The following SATB2 variants were observed in gnomAD, a reference collection of about 807,000 sequenced individuals.
SATB2 encodes DNA-binding protein SATB2.
SATB2 carries 1 observed loss-of-function variant against 73.4 expected under a neutral mutation model. The ratio of observed to expected loss-of-function variants is 0.01; its 90% confidence interval spans 0.00 to 0.06. The LOEUF (loss-of-function observed/expected upper bound fraction) is 0.06, where lower values mean the gene tolerates loss of function less well. Ranked by LOEUF, SATB2 falls within the 10% of genes least tolerant of loss-of-function variation. The pLI is 1.00. For missense variants in SATB2, 459 were observed against 945.8 expected (o/e 0.49, Z 6.75); for synonymous variants, 397 against 367.0 (o/e 1.08, Z -0.93).
rs760441224 is a variant in SATB2 at position 199,317,043 on chromosome 2, TG to T, written c.1542+6759del. Reference sequence around the variant, plus strand: ...TTCCTCAAGAAGTTATCATAATGGGTGGGTGGCAGGGGTGGGGCGGTATGGG... The same window carrying T: ...TTCCTCAAGAAGTTATCATAATGGGTGGTGGCAGGGGTGGGGCGGTATGGG... On this transcript the variant is annotated intron_variant, in intron 9 of 10. Transcript: ENST00000417098. 4.6e-4 allele frequency among the ~76,000 whole-genome samples: 63 copies of T among 138,032 alleles called. 3 individuals are homozygous for T. The highest frequency in any genetic ancestry group is 1.3e-3 in the Admixed American group (18 of 13,752). The allele number at this position is 138,032 out of a possible 152,430, so 90.6% of individuals were successfully genotyped here. A position where few individuals can be genotyped will look rare whatever the true frequency, so the allele number is the denominator to read the frequency against.
At chr2:199,275,373 A>T (rs565957696) in intron 10 of SATB2, among the ~76,000 whole-genome samples, 1 of 152,334 alleles carries the variant, frequency 6.6e-6, no homozygotes, top group South Asian at 2.1e-4. Flanking sequence ...CAGAGAAAGA[A>T]CAGTAAGAAT....
intron 3 of SATB2, among the ~76,000 whole-genome samples, chr2:199,395,551 G>A (rs1409427889): frequency 1.3e-5 from 2 of 152,022 alleles, no homozygotes; most frequent in Non-Finnish European, 2.9e-5. Context: ...CTAGCCTGGT[G>A]TCTGACACTT....
At chr2:199,344,433 A>G (rs1049120039) in intron 7 of SATB2, among the ~76,000 whole-genome samples, 8 of 152,206 alleles carry the variant, frequency 5.3e-5, no homozygotes, top group Non-Finnish European at 1.0e-4. Context: ...TTGAATCACG[A>G]GAGAAAGTGG....
intron 3 of SATB2, among the ~76,000 whole-genome samples, chr2:199,393,462 C>T (rs1476437445): frequency 1.3e-5 from 2 of 152,124 alleles, no homozygotes; most frequent in South Asian, 4.1e-4. Flanking sequence ...AAGAGATGTT[C>T]TAGACACCTG....
chr2:199,407,730 G>A (rs1249408931), intron 3 of SATB2, among the ~76,000 whole-genome samples: 1 of 152,116 alleles, frequency 6.6e-6, no homozygotes, highest in African/African-American at 2.4e-5. Flanking sequence ...AGAAAGCCCT[G>A]GGAGCTAATA....
At position 199,271,599 on chromosome 2, in the gene SATB2, G is replaced by A. The variant is rs894282114; in HGVS notation, c.*612C>T. The A allele has an allele frequency of 1.3e-5, 2 of 150,996 alleles. No individual in the cohort carries two copies. The highest frequency in any genetic ancestry group is 2.4e-5 in the African/African-American group (1 of 40,836). 9.4% of individuals were successfully genotyped at this position (150,996 alleles called of 1,614,324 possible). On this transcript the variant is annotated 3_prime_UTR_variant, in exon 11 of 11. Transcript: ENST00000417098. ...CAGGGACAAACACAAAAAATAAATA[G>A]GAATTCAAAAATAGTCACCCCACCC... is the stretch of plus-strand genomic sequence containing the variant.
At chr2:199,323,277 T>C (rs999644851) in intron 9 of SATB2, among the ~76,000 whole-genome samples, 2 of 152,118 alleles carry the variant, frequency 1.3e-5, no homozygotes, top group African/African-American at 2.4e-5. Context: ...TCCCCCCACG[T>C]GTGTTTTCTC....
chr2:199,470,563 A>AT (rs1011448321), intron 1 of SATB2: 1 of 152,148 alleles, frequency 6.6e-6, no homozygotes, highest in African/African-American at 2.4e-5. Context: ...ATTTTCTATC[A>AT]TTTTTTATGC....
chr2:199,450,327 T>G (rs1247093466), intron 2 of SATB2, among the ~76,000 whole-genome samples: 1 of 152,154 alleles, frequency 6.6e-6, no homozygotes, highest in Non-Finnish European at 1.5e-5. Context: ...CATACAACTT[T>G]TGTCAAATGC....
intron 6 of SATB2, among the ~76,000 whole-genome samples, chr2:199,357,917 TG>T (rs1197347791): frequency 6.6e-6 from 1 of 152,076 alleles, no homozygotes; most frequent in Non-Finnish European, 1.5e-5. Context: ...GAAATGAAAC[TG>T]GGTATGCACA....
chr2:199,455,778 A>G lies in SATB2; in HGVS notation c.169+91T>C. On this transcript the variant is annotated intron_variant, in intron 2 of 10. Transcript: ENST00000417098. The surrounding 1 kb of genome is among the most constrained non-coding windows in gnomAD (Gnocchi z 4.1). ...TGGAATTCACTTCCTGTAATCCTAC[A>G]CCGCGACAGCGCCTAATCAACCTGA... 1.4e-6 allele frequency: 2 copies of G among 1,421,120 alleles called. No individual in the cohort carries two copies. The highest frequency in any genetic ancestry group is 1.9e-6 in the Non-Finnish European group (2 of 1,044,664). The allele number at this position is 1,421,120 out of a possible 1,614,324, so 88.0% of individuals were successfully genotyped here.
intron 2 of SATB2, among the ~76,000 whole-genome samples, chr2:199,434,566 C>T (rs1691599259): frequency 6.6e-6 from 1 of 152,110 alleles, no homozygotes; most frequent in African/African-American, 2.4e-5. Flanking sequence ...GTAATTCACA[C>T]AAATTAGTAT....
At position 199,408,679 on chromosome 2, in the gene SATB2, CAA is replaced by C. The variant is rs11306098; in HGVS notation, c.346+24657_346+24658del. On this transcript the variant is annotated intron_variant, in intron 3 of 10. Coordinates refer to ENST00000417098, the MANE Select transcript of SATB2 (RefSeq NM_001172509.2). ...AAGACTCCTGTGGTTGTTTAGTCCA[CAA>C]AAAAAAAAAAAAATAGAGTCTTAGG... 1.6e-3 allele frequency among the ~76,000 whole-genome samples: 215 copies of C among 135,116 alleles called. 1 individual carries two copies. The highest frequency in any genetic ancestry group is 4.7e-3 in the South Asian group (20 of 4,282). 88.6% of individuals were successfully genotyped at this position (135,116 alleles called of 152,430 possible).
At chr2:199,350,824 A>G (rs1480107464) in intron 6 of SATB2, among the ~76,000 whole-genome samples, 1 of 151,974 alleles carries the variant, frequency 6.6e-6, no homozygotes, top group Non-Finnish European at 1.5e-5. Context: ...GGAGTTTGAT[A>G]CCAGCCTGGC....
intron 7 of SATB2, chr2:199,348,065 C>T (rs189328427): frequency 2.9e-4 from 44 of 152,302 alleles, no homozygotes; most frequent in African/African-American, 1.0e-3. Flanking sequence ...ATATAAGCAC[C>T]CTCAATAAAA....
intron 10 of SATB2, among the ~76,000 whole-genome samples, chr2:199,281,120 G>A (rs13399622): frequency 0.11 from 17,459 of 151,906 alleles, 1,103 homozygotes; most frequent in South Asian, 0.19. Context: ...AGGTTCCCCC[G>A]ATACTTGGGA....
At chr2:199,332,019 C>T (rs1055921777) in intron 7 of SATB2, among the ~76,000 whole-genome samples, 1 of 151,808 alleles carries the variant, frequency 6.6e-6, no homozygotes, top group East Asian at 1.9e-4. Flanking sequence ...AAATGTGGCG[C>T]GGCACCTGGG....
chr2:199,357,574 A>G (rs1163791557), intron 6 of SATB2, among the ~76,000 whole-genome samples: 1 of 152,136 alleles, frequency 6.6e-6, no homozygotes, highest in East Asian at 1.9e-4. Flanking sequence ...ACATCTGCCT[A>G]TGATTTAAAG....
At chr2:199,291,626 G>A (rs982752361) in intron 10 of SATB2, among the ~76,000 whole-genome samples, 3 of 152,030 alleles carry the variant, frequency 2.0e-5, no homozygotes, top group Non-Finnish European at 4.4e-5. Flanking sequence ...TAAAACACTT[G>A]AGTAGGCCAG....
Sources: gnomAD v4.1 joint callset for allele counts (sites outside exome capture counted in the v4.1 genomes callset) on GRCh38, gnomAD v4.1.1 for gene constraint, Gnocchi (gnomAD v3.1) non-coding constraint, MANE v1.5 for transcripts, NCBI Gene and HGNC (gene_info 2026-07-23, HGNC 2026-07-21) for gene names.